XYLT1: variants seen among roughly 807,000 people sequenced by gnomAD.
The protein encoded by XYLT1 is beta-D-xylosyltransferase 1.
In XYLT1, 36 loss-of-function variants were observed where a neutral mutation model predicts 91.3. The observed-to-expected ratio is 0.39, with a 90% CI of 0.30 to 0.52. The LOEUF is 0.52. XYLT1 is among the 20% of genes least tolerant of loss of function. XYLT1 has a pLI of 0.68. For missense variants in XYLT1, 1,242 were observed against 1,284.5 expected, an observed-to-expected ratio of 0.97 and a Z score of 0.51; for synonymous variants, 588 against 532.0, an observed-to-expected ratio of 1.11 and a Z score of -1.45.
At chr16:17,364,567 T>C (rs1462715730) in intron 1 of XYLT1, among the ~76,000 whole-genome samples, 2 of 152,230 alleles carry the variant, frequency 1.3e-5, no homozygotes, top group African/African-American at 2.4e-5. Context: ...GAACTGCAAG[T>C]TACCGTAGAT....
intron 1 of XYLT1, among the ~76,000 whole-genome samples, chr16:17,398,818 G>GC (rs71230739): frequency 0.11 from 9,552 of 84,650 alleles, 1,219 homozygotes; most frequent in African/African-American, 0.28. Context: ...AAATGTCCCC[G>GC]CCCCCCCCCA....
intron 6 of XYLT1, among the ~76,000 whole-genome samples, chr16:17,142,050 T>A (rs2141521347): frequency 6.6e-6 from 1 of 152,180 alleles, no homozygotes; most frequent in East Asian, 1.9e-4. Context: ...ACTACAGGCA[T>A]GCATCACCAT....
chr16:17,169,734 G>T (rs1288472407), intron 5 of XYLT1, among the ~76,000 whole-genome samples: 1 of 152,114 alleles, frequency 6.6e-6, no homozygotes, highest in Non-Finnish European at 1.5e-5. Context: ...ACTGTATTTT[G>T]ATTCTCTTAA....
intron 2 of XYLT1, among the ~76,000 whole-genome samples, chr16:17,356,973 A>G (rs973770185): frequency 2.0e-5 from 3 of 151,908 alleles, no homozygotes; most frequent in African/African-American, 2.4e-5. Flanking sequence ...TCAGGAGATC[A>G]AGACCATCCT....
intron 1 of XYLT1, among the ~76,000 whole-genome samples, chr16:17,416,873 C>T (rs144683380): frequency 1.2e-3 from 181 of 152,264 alleles, no homozygotes; most frequent in African/African-American, 4.3e-3. Context: ...CAAATGAGCA[C>T]GGACAGCCAG....
intron 1 of XYLT1, among the ~76,000 whole-genome samples, chr16:17,393,132 CCT>C (rs1325158367): frequency 6.6e-6 from 1 of 152,142 alleles, no homozygotes; most frequent in African/African-American, 2.4e-5. Context: ...GACTTTCATC[CCT>C]TTTTCCTGGG....
intron 10 of XYLT1, among the ~76,000 whole-genome samples, chr16:17,120,409 T>C (rs924822460): frequency 6.6e-6 from 1 of 152,078 alleles, no homozygotes; most frequent in Non-Finnish European, 1.5e-5. Flanking sequence ...ACTTGCTCCT[T>C]GCTCCAGGCC....
chr16:17,204,535 T>C (rs1327001599), intron 3 of XYLT1, among the ~76,000 whole-genome samples: 2 of 144,832 alleles, frequency 1.4e-5, no homozygotes, highest in Admixed American at 6.9e-5. Context: ...GAAGGAGAAA[T>C]AGAGATGCGG....
chr16:17,311,159 T>A (rs2034541808), intron 2 of XYLT1, among the ~76,000 whole-genome samples: 1 of 152,138 alleles, frequency 6.6e-6, no homozygotes, highest in Non-Finnish European at 1.5e-5. Flanking sequence ...AAGCTCTTAT[T>A]GTCACAGTAG....
intron 2 of XYLT1, among the ~76,000 whole-genome samples, chr16:17,279,650 G>A (rs143607523): frequency 6.0e-4 from 91 of 152,330 alleles, no homozygotes; most frequent in Admixed American, 1.6e-3. Flanking sequence ...CAGAGAGTGG[G>A]CTGAGGGGTC....
intron 1 of XYLT1, among the ~76,000 whole-genome samples, chr16:17,378,301 CTTT>C (rs540574923): frequency 6.7e-6 from 1 of 149,030 alleles, no homozygotes; most frequent in African/African-American, 2.5e-5. Flanking sequence ...TGTTCCAAGA[CTTT>C]TTTTTTTCAC....
At chr16:17,434,225 T>C (rs1251149768) in intron 1 of XYLT1, among the ~76,000 whole-genome samples, 12 of 152,138 alleles carry the variant, frequency 7.9e-5, no homozygotes, top group Non-Finnish European at 1.5e-5. Flanking sequence ...CAATGTCAAA[T>C]GATGTTTTGG....
intron 11 of XYLT1, among the ~76,000 whole-genome samples, chr16:17,110,467 G>A (rs1174965325): frequency 6.6e-6 from 1 of 152,168 alleles, no homozygotes; most frequent in African/African-American, 2.4e-5. Flanking sequence ...CCTTGCACAG[G>A]CGCTCTGGCC....
chr16:17,266,637 C>T (rs1367323696), intron 2 of XYLT1, among the ~76,000 whole-genome samples: 2 of 152,330 alleles, frequency 1.3e-5, no homozygotes, highest in African/African-American at 4.8e-5. Flanking sequence ...AAACCCCAGC[C>T]AGGTGCACTG....
At chr16:17,310,331 G>A (rs750890345) in intron 2 of XYLT1, among the ~76,000 whole-genome samples, 24 of 152,030 alleles carry the variant, frequency 1.6e-4, no homozygotes, top group Non-Finnish European at 1.2e-4. Context: ...TCACTTCCCC[G>A]GGGAAAGGCT....
intron 1 of XYLT1, among the ~76,000 whole-genome samples, chr16:17,418,945 G>A (rs548779490): frequency 3.5e-4 from 53 of 151,736 alleles, no homozygotes; most frequent in African/African-American, 1.2e-3. Flanking sequence ...TAGCATGAGC[G>A]CTGCTGTAGG....
intron 5 of XYLT1, among the ~76,000 whole-genome samples, chr16:17,164,229 T>C (rs56888051): frequency 0.017 from 2,625 of 152,110 alleles, 82 homozygotes; most frequent in African/African-American, 0.061. Flanking sequence ...CATATGTCTA[T>C]TTAATTTAAA....
In XYLT1 at chr16:17,107,479, G is replaced by T. The variant is rs1232651817; in HGVS notation, c.*1216C>A. On this transcript the variant is annotated 3_prime_UTR_variant, in exon 12 of 12. Transcript: ENST00000261381. ...CAACACTTAAATCATACTGTTTTTT[G>T]TTGTTTAAATAACCTTCCCATTTTT... The T allele has an allele frequency of 6.6e-6, 1 of 152,588 alleles. No individual in the cohort carries two copies. Among genetic ancestry groups the T allele is most frequent in the African/African-American group, 2.4e-5 (1 of 41,432 alleles). The allele number at this position is 152,588 out of a possible 1,614,324, so 9.5% of individuals were successfully genotyped here.
chr16:17,390,233 A>G (rs537134114), intron 1 of XYLT1, among the ~76,000 whole-genome samples: 1 of 152,230 alleles, frequency 6.6e-6, no homozygotes, highest in South Asian at 2.1e-4. Context: ...AAGAGAACAA[A>G]TTCCTCTTTC....
Sources: gnomAD v4.1 joint callset for allele counts (sites outside exome capture counted in the v4.1 genomes callset) on GRCh38, gnomAD v4.1.1 for gene constraint, MANE v1.5 for transcripts, NCBI Gene and HGNC (gene_info 2026-07-23, HGNC 2026-07-21) for gene names.